PMPCA: variants seen among roughly 807,000 people sequenced by gnomAD.
PMPCA encodes mitochondrial-processing peptidase subunit alpha.
In PMPCA, 47 loss-of-function variants were observed where a neutral mutation model predicts 59.3. That is an observed-to-expected ratio of 0.79 (90% CI 0.63 to 1.01). The LOEUF (loss-of-function observed/expected upper bound fraction) is 1.01, where lower values mean the gene tolerates loss of function less well. Ranked by LOEUF, PMPCA falls within the 50% of genes least tolerant of loss-of-function variation. PMPCA has a pLI of 0.00. For synonymous variants in PMPCA, 338 were observed against 290.3 expected, an observed-to-expected ratio of 1.16 and a Z score of -1.67; for missense variants, 726 against 704.5, an observed-to-expected ratio of 1.03 and a Z score of -0.34.
chr9:136,416,473 G>A (rs757229412), intron 6 of PMPCA, 82 bp downstream of exon 6: 30 of 970,364 alleles, frequency 3.1e-5, no homozygotes, highest in African/African-American at 1.1e-4. Flanking sequence ...GGGTGCCTCC[G>A]TGATGTTGTC....
Position 136,423,622 on chromosome 9 carries a change from C to T in PMPCA, c.*358C>T, listed in dbSNP as rs1835525081. On this transcript the variant is annotated 3_prime_UTR_variant, in exon 13 of 13. Coordinates refer to ENST00000371717, the MANE Select transcript of PMPCA (RefSeq NM_015160.3). ...GGCAGCAAAGGCTGACCTATCAAAG[C>T]CTCCCGGAGGCCACCGTGCTGGGTA... is the stretch of plus-strand genomic sequence containing the variant. The T allele has an allele frequency of 7.8e-6, 2 of 255,690 alleles. No homozygotes were observed. Among genetic ancestry groups the T allele is most frequent in the African/African-American group, 2.2e-5 (1 of 46,072 alleles). The allele number at this position is 255,690 out of a possible 1,614,324, so 15.8% of individuals were successfully genotyped here. A position where few individuals can be genotyped will look rare whatever the true frequency, so the allele number is the denominator to read the frequency against.
chr9:136,423,065 C>A, intron 12 of PMPCA, 30 bp from the exon 13 acceptor site: 1 of 1,594,314 alleles, frequency 6.3e-7, no homozygotes, highest in East Asian at 2.3e-5. Flanking sequence ...GTGGCGCGCT[C>A]GTGTGACACG....
chr9:136,417,100 G>T lies in PMPCA; in HGVS notation c.783G>T (p.Glu261Asp). The T allele has an allele frequency of 1.9e-6, 3 of 1,613,924 alleles. No homozygotes were observed. Among genetic ancestry groups the T allele is most frequent in the Non-Finnish European group, 1.7e-6 (2 of 1,180,018 alleles). The change falls in exon 7 of 13, where the codon GAG becomes GAT. Residue 261 changes from glutamate to aspartate, a missense_variant. Coordinates refer to ENST00000371717, the MANE Select transcript of PMPCA (RefSeq NM_015160.3). The stretch of plus-strand genomic sequence containing the variant: ...TGGCCGGCGTGGGCGTGGAGCACGA[G>T]CATCTGGTGGACTGTGCCCGGAAGT... ...MVLAGVGVEH[E>D]HLVDCARKYL...
At chr9:136,415,240 C>G (rs1835240932) in intron 5 of PMPCA, among the ~76,000 whole-genome samples, 1 of 152,160 alleles carries the variant, frequency 6.6e-6, no homozygotes, top group Non-Finnish European at 1.5e-5. Flanking sequence ...ACTCTGTTCT[C>G]CACAAAAAGG....
chr9:136,417,151 G>A lies in PMPCA; in HGVS notation c.834G>A (p.Trp278Ter). ...RKYLLGVQPA[W>*]GSAEAVDIDR... ...ACCTCCTGGGGGTCCAGCCGGCCTG[G>A]GGGAGCGCAGAGGCCGTGGATATTG... The change falls in exon 7 of 13, where the codon TGG (tryptophan) becomes TGA (stop). Residue 278 changes from tryptophan (W) to a stop codon, truncating the protein, a stop_gained. Transcript: ENST00000371717. LOFTEE classifies it high-confidence loss of function. The A allele has an allele frequency of 6.2e-7, 1 of 1,612,692 alleles. No individual in the cohort carries two copies. Among genetic ancestry groups the A allele is most frequent in the South Asian group, 1.1e-5 (1 of 91,040 alleles).
At chr9:136,416,571 G>A in intron 6 of PMPCA, 180 bp downstream of exon 6, 1 of 660,698 alleles carries the variant, frequency 1.5e-6, no homozygotes, top group Non-Finnish European at 2.8e-6. Flanking sequence ...TGCACTCCTG[G>A]GCTCAGCTCA....
Position 136,423,354 on chromosome 9 carries a change from C to G in PMPCA, c.*90C>G. On this transcript the variant is annotated 3_prime_UTR_variant, in exon 13 of 13. Transcript: ENST00000371717. The stretch of plus-strand genomic sequence containing the variant: ...TTGGACACGAATTTAGTCTAAAAAG[C>G]TGTCTGGTTGTATAAACGGTGCAAA... The G allele has an allele frequency of 1.5e-6, 2 of 1,358,334 alleles. No homozygotes were observed. The highest frequency in any genetic ancestry group is 2.0e-6 in the Non-Finnish European group (2 of 1,001,086). The allele number at this position is 1,358,334 out of a possible 1,614,324, so 84.1% of individuals were successfully genotyped here. A position where few individuals can be genotyped will look rare whatever the true frequency, so the allele number is the denominator to read the frequency against.
intron 4 of PMPCA, 64 bp from the exon 5 acceptor site, chr9:136,414,489 C>A: frequency 9.1e-7 from 1 of 1,100,206 alleles, no homozygotes; most frequent in South Asian, 1.2e-5. Context: ...GCCCGAGCGT[C>A]CCCTGGCTGT....
Position 136,423,145 on chromosome 9 carries a change from G to C in PMPCA, c.1459G>C (p.Gly487Arg). ...VKRVASKMLR[G>R]KPAVAALGDL... ...GAGAGTCGCTTCTAAGATGCTCCGA[G>C]GGAAGCCGGCAGTGGCCGCCCTGGG... Residue 487 changes from glycine to arginine, a missense_variant, in exon 13 of 13, where the codon GGG becomes CGG. By Grantham distance (125) the Gly-to-Arg change is moderately radical. Coordinates refer to ENST00000371717, the MANE Select transcript of PMPCA (RefSeq NM_015160.3). 6.2e-7 allele frequency: 1 copy of C among 1,613,704 alleles called. No individual in the cohort carries two copies.
intron 5 of PMPCA, among the ~76,000 whole-genome samples, chr9:136,415,203 C>G (rs1193298995): frequency 7.9e-5 from 12 of 152,038 alleles, no homozygotes; most frequent in Non-Finnish European, 1.5e-5. Context: ...CCCAGGAGTT[C>G]GAGACCAGTC....
In PMPCA at chr9:136,412,886, C is replaced by T; in HGVS notation, c.431C>T (p.Thr144Ile). Reference protein sequence around the residue: ...EKHGGICDCQTSRDTTMYAVS... With the variant: ...EKHGGICDCQISRDTTMYAVS... ...CATGGGGGTATCTGTGACTGCCAGACATCAAGGTACACCAGCTTTTGTGTA... is the reference window on the plus strand; with the variant it reads ...CATGGGGGTATCTGTGACTGCCAGATATCAAGGTACACCAGCTTTTGTGTA... The change falls in exon 4 of 13, where the codon ACA (threonine) becomes ATA (isoleucine). Residue 144 changes from threonine to isoleucine, a missense_variant. Transcript: ENST00000371717. 1 of 1,577,628 alleles carries T rather than the reference C, an allele frequency of 6.3e-7. No homozygotes were observed. Among genetic ancestry groups the T allele is most frequent in the East Asian group, 2.2e-5 (1 of 44,700 alleles).
At chr9:136,421,720 C>T in intron 11 of PMPCA, 112 bp from the exon 12 acceptor site, 2 of 1,081,334 alleles carry the variant, frequency 1.8e-6, no homozygotes, top group African/African-American at 3.1e-5. Flanking sequence ...CTGCCCTTCC[C>T]TTTCTTATGT....
intron 1 of PMPCA, among the ~76,000 whole-genome samples, chr9:136,411,634 C>T (rs1036321214): frequency 6.6e-6 from 1 of 152,228 alleles, no homozygotes; most frequent in African/African-American, 2.4e-5. Flanking sequence ...CACACCCCGC[C>T]TTCGGACCAG....
At position 136,416,342 on chromosome 9, in the gene PMPCA, T is replaced by C; in HGVS notation, c.584T>C (p.Leu195Pro). The C allele has an allele frequency of 1.2e-6, 2 of 1,613,990 alleles. No individual in the cohort carries two copies. Among genetic ancestry groups the C allele is most frequent in the Non-Finnish European group, 1.7e-6 (2 of 1,179,900 alleles). Residue 195 changes from leucine (L) to proline (P), a missense_variant, in exon 6 of 13, where the codon CTG (leucine) becomes CCG (proline). Transcript: ENST00000371717. ...RMAVQFELEDLNLRPDPEPLL... is the reference protein window; with the variant it reads ...RMAVQFELEDPNLRPDPEPLL... Reference sequence around the variant, plus strand: ...GCGGTCCAGTTTGAGCTGGAGGACCTGAACCTGCGGCCTGACCCAGAGCCA... The same window carrying C: ...GCGGTCCAGTTTGAGCTGGAGGACCCGAACCTGCGGCCTGACCCAGAGCCA...
At chr9:136,417,507 C>G (rs1357936928) in intron 7 of PMPCA, among the ~76,000 whole-genome samples, 1 of 149,798 alleles carries the variant, frequency 6.7e-6, no homozygotes, top group African/African-American at 2.5e-5. Flanking sequence ...GAGCCTCGCT[C>G]TGTCACCCAG....
intron 7 of PMPCA, among the ~76,000 whole-genome samples, chr9:136,417,429 C>T (rs959404002): frequency 2.6e-5 from 4 of 150,968 alleles, no homozygotes; most frequent in Admixed American, 6.6e-5. Flanking sequence ...AAGGTGGATG[C>T]GGTTCTTTCT....
chr9:136,422,248 C>A, intron 12 of PMPCA: 1 of 1,383,752 alleles, frequency 7.2e-7, no homozygotes, highest in Non-Finnish European at 9.5e-7. Context: ...TCACTACTGC[C>A]CAGAGTTGTT....
At chr9:136,415,482 CAG>C (rs1441717524) in intron 5 of PMPCA, among the ~76,000 whole-genome samples, 2 of 152,218 alleles carry the variant, frequency 1.3e-5, no homozygotes, top group Admixed American at 6.5e-5. Flanking sequence ...GAGTCCCTGT[CAG>C]GGGTGGACCA....
At chr9:136,422,229 G>C in intron 12 of PMPCA, 1 of 1,442,844 alleles carries the variant, frequency 6.9e-7, no homozygotes, top group Non-Finnish European at 9.2e-7. Flanking sequence ...GCACCCCTGG[G>C]AGGGGCTGTC....
Sources: allele counts gnomAD v4.1 joint callset (sites outside exome capture counted in the v4.1 genomes callset), GRCh38; gene constraint gnomAD v4.1.1; transcripts MANE v1.5; gene names NCBI Gene and HGNC (gene_info 2026-07-23, HGNC 2026-07-21).